SPTB: variants seen among roughly 807,000 people sequenced by gnomAD.
The protein encoded by SPTB is spectrin beta chain, erythrocytic.
A neutral mutation model predicts 256.2 loss-of-function variants in SPTB; 45 were observed. The ratio of observed to expected loss-of-function variants is 0.18; its 90% confidence interval spans 0.14 to 0.23. The LOEUF (loss-of-function observed/expected upper bound fraction) is 0.23, where lower values mean the gene tolerates loss of function less well. SPTB is among the 10% of genes least tolerant of loss of function. SPTB has a pLI of 1.00. For missense variants in SPTB, 2,715 were observed against 3,040.4 expected (o/e 0.89, Z 2.52); for synonymous variants, 1,231 against 1,243.1 (o/e 0.99, Z 0.21).
At chr14:64,782,630 G>C in intron 19 of SPTB, 77 bp from the exon 20 acceptor site, 1 of 1,600,106 alleles carries the variant, frequency 6.2e-7, no homozygotes, top group Non-Finnish European at 8.5e-7. Flanking sequence ...ATGGTTGCAA[G>C]AGGCTACCCA....
Position 64,779,995 on chromosome 14 carries a change from C to T in SPTB, c.4267-64G>A. 1.4e-6 allele frequency: 2 copies of T among 1,383,624 alleles called. No homozygotes were observed. Among genetic ancestry groups the T allele is most frequent in the African/African-American group, 1.4e-5 (1 of 69,734 alleles). The allele number at this position is 1,383,624 out of a possible 1,614,324, so 85.7% of individuals were successfully genotyped here. Reference sequence around the variant, plus strand: ...ACCTGCACAGCCCCTCCATCTTCTTCATTCATCTGCATCCCACCCATCCTT... The same window carrying T: ...ACCTGCACAGCCCCTCCATCTTCTTTATTCATCTGCATCCCACCCATCCTT... On this transcript the variant is annotated intron_variant, in intron 20 of 35. Transcript: ENST00000644917. The surrounding 1 kb of genome is among the most constrained non-coding windows in gnomAD (Gnocchi z 4.2).
chr14:64,865,645 G>A (rs886666077), intron 1 of SPTB, among the ~76,000 whole-genome samples: 4 of 152,144 alleles, frequency 2.6e-5, no homozygotes, highest in South Asian at 2.1e-4. Flanking sequence ...GCTCACCAGC[G>A]ACCATGGTAA....
chr14:64,767,629 C>T (rs759837590), intron 30 of SPTB, 34 bp downstream of exon 30: 1 of 1,612,188 alleles, frequency 6.2e-7, no homozygotes, highest in Non-Finnish European at 8.5e-7. Flanking sequence ...CAGTTGCCAC[C>T]CTCCTGAGCC....
At chr14:64,804,059 G>A (rs928449279) in intron 3 of SPTB, among the ~76,000 whole-genome samples, 8 of 152,226 alleles carry the variant, frequency 5.3e-5, no homozygotes, top group African/African-American at 7.2e-5. Flanking sequence ...ATTTGCTTAC[G>A]GTAACATAAC....
chr14:64,864,194 T>G (rs980002057), intron 1 of SPTB, among the ~76,000 whole-genome samples: 2 of 152,144 alleles, frequency 1.3e-5, no homozygotes, highest in African/African-American at 4.8e-5. Context: ...TGGTAGCTCA[T>G]GCCTGTAATC....
At chr14:64,771,714 G>A (rs1354638586) in intron 26 of SPTB, among the ~76,000 whole-genome samples, 2 of 152,162 alleles carry the variant, frequency 1.3e-5, no homozygotes, top group African/African-American at 4.8e-5. Context: ...ACCTCAGTGG[G>A]GCTACACCTA....
At position 64,803,673 on chromosome 14, in the gene SPTB, G is replaced by A. The variant is rs11623956; in HGVS notation, c.408C>T (p.His136=). Residue 136 remains histidine (H), a synonymous_variant, in exon 4 of 36, where the codon CAC becomes CAT. Transcript: ENST00000644917. ...GGCGGTGGTTGCCATCTACAATGTC[G>A]TGGGAGCCCATGTTCTCCAGGTGTA... ...QRVHLENMGS[H]DIVDGNHRLV... 0.076 allele frequency: 122,592 copies of A among 1,614,004 alleles called. 5,285 individuals are homozygous for A. Among genetic ancestry groups the A allele is most frequent in the Non-Finnish European group, 0.089 (105,235 of 1,179,978 alleles).
At chr14:64,838,225 C>A (rs555570053) in intron 1 of SPTB, among the ~76,000 whole-genome samples, 1 of 152,180 alleles carries the variant, frequency 6.6e-6, no homozygotes, top group East Asian at 1.9e-4. Context: ...AAAAGTGAAC[C>A]TTGACCCATA....
Position 64,795,550 on chromosome 14 carries a change from C to T in SPTB, c.1431G>A (p.Arg477=), listed in dbSNP as rs886050626. The T allele has an allele frequency of 6.2e-6, 10 of 1,614,172 alleles. No individual in the cohort carries two copies. Among genetic ancestry groups the T allele is most frequent in the East Asian group, 2.2e-5 (1 of 44,882 alleles). Residue 477 remains arginine, a synonymous_variant, in exon 12 of 36, where the codon CGG becomes CGA. Coordinates refer to ENST00000644917, the MANE Select transcript of SPTB (RefSeq NM_001355436.2). This position sits in a 1 kb window ranked among gnomAD's most constrained non-coding sequence, Gnocchi z 6.5. ...IETDTAAYEE[R]VRALEDLAQE... ...GAGCCAGGTCCTCCAGGGCTCTCACCCGCTCCTCGTAGGCAGCCGTGTCGG... is the reference window on the plus strand; with the variant it reads ...GAGCCAGGTCCTCCAGGGCTCTCACTCGCTCCTCGTAGGCAGCCGTGTCGG...
rs777530869 is a variant in SPTB, at chr14:64,775,448, C to G, written c.4564-45G>C. ...CTCGGGGCAGGGCCTTCCCACCATGCGGGGGAGGCTGCTTCAGCAGTGGCA... is the reference window on the plus strand; with the variant it reads ...CTCGGGGCAGGGCCTTCCCACCATGGGGGGGAGGCTGCTTCAGCAGTGGCA... On this transcript the variant is annotated intron_variant, in intron 22 of 35. Transcript: ENST00000644917. The surrounding 1 kb of genome is among the most constrained non-coding windows in gnomAD (Gnocchi z 5.0). 3.2e-6 allele frequency: 5 copies of G among 1,586,544 alleles called. No homozygotes were observed. In the Admixed American group the frequency reaches 6.9e-5, roughly 22 times the overall value.
chr14:64,828,205 C>G (rs1016001666), intron 1 of SPTB, among the ~76,000 whole-genome samples: 3 of 152,038 alleles, frequency 2.0e-5, no homozygotes, highest in Non-Finnish European at 4.4e-5. Flanking sequence ...CAGTTTCTGT[C>G]ACCCGGCAGG....
chr14:64,771,140 G>A lies in SPTB; in HGVS notation c.5554-11C>T. ...CTGGAACTGCTGCACCTGTGGTCAG[G>A]CAAAATCAGACATTGTTCCCTGGAC... On this transcript the variant is annotated splice_polypyrimidine_tract_variant and intron_variant, in intron 26 of 35. Transcript: ENST00000644917. 1 of 1,613,054 alleles carries A rather than the reference G, an allele frequency of 6.2e-7. No individual in the cohort carries two copies. The highest frequency in any genetic ancestry group is 1.1e-5 in the South Asian group (1 of 91,086).
rs1361127123 is a variant in SPTB at position 64,760,943 on chromosome 14, A to G, written c.6345+5783T>C. Among the ~76,000 whole-genome samples the G allele has an allele frequency of 6.6e-6, 1 of 152,222 alleles. No homozygotes were observed. Among genetic ancestry groups the G allele is most frequent in the African/African-American group, 2.4e-5 (1 of 41,462 alleles). ...GAGGAGACCTGTATCCTCACTCCAG[A>G]GGAAAGCACCTGCCCGATGGGGTTC... On this transcript the variant is annotated intron_variant, in intron 32 of 35. Transcript: ENST00000644917. The surrounding 1 kb of genome is among the most constrained non-coding windows in gnomAD (Gnocchi z 4.3).
chr14:64,752,159 G>T, intron 33 of SPTB: 1 of 1,328,188 alleles, frequency 7.5e-7, no homozygotes, highest in Non-Finnish European at 9.9e-7. Flanking sequence ...GGCATGTTTG[G>T]TGAGGGAATC....
At chr14:64,766,878 C>T in intron 31 of SPTB, 77 bp from the exon 32 acceptor site, 2 of 1,567,086 alleles carry the variant, frequency 1.3e-6, no homozygotes, top group Admixed American at 3.3e-5. Flanking sequence ...TGGCTTTTCA[C>T]CTGCGCCCAC....
At chr14:64,804,677 C>T (rs1458038584) in intron 3 of SPTB, among the ~76,000 whole-genome samples, 1 of 152,124 alleles carries the variant, frequency 6.6e-6, no homozygotes. Context: ...TACAGATGCC[C>T]AGAGCCCAAA....
At chr14:64,818,017 C>T (rs141964104) in intron 2 of SPTB, among the ~76,000 whole-genome samples, 132 of 152,346 alleles carry the variant, frequency 8.7e-4, no homozygotes, top group African/African-American at 3.0e-3. Flanking sequence ...CCTCAACCAA[C>T]CTCACCCCTC....
At chr14:64,801,517 G>A in intron 6 of SPTB, 117 bp from the exon 7 acceptor site, 1 of 859,134 alleles carries the variant, frequency 1.2e-6, no homozygotes, top group Middle Eastern at 2.2e-4. Context: ...CAGGAGGAGT[G>A]AAAGGAGGAG....
chr14:64,876,135 A>G (rs773725903), intron 1 of SPTB, among the ~76,000 whole-genome samples: 5 of 151,736 alleles, frequency 3.3e-5, no homozygotes, highest in Non-Finnish European at 5.9e-5. Flanking sequence ...TGGCTTTTTT[A>G]TATCAATTTT....
Sources: allele counts gnomAD v4.1 joint callset (sites outside exome capture counted in the v4.1 genomes callset), GRCh38; gene constraint gnomAD v4.1.1; non-coding constraint Gnocchi (gnomAD v3.1); transcripts MANE v1.5; gene names NCBI Gene and HGNC (gene_info 2026-07-23, HGNC 2026-07-21).